Variants in SPON2 observed in about 807,000 individuals in gnomAD.
The protein encoded by SPON2 is spondin 2.
Under a neutral mutation model 29.9 loss-of-function variants are expected in SPON2, and 32 were observed. That is an observed-to-expected ratio of 1.07 (90% CI 0.81 to 1.44). The LOEUF is 1.44. Among genes scored for constraint, SPON2 ranks in the 40% most tolerant of loss-of-function variants. SPON2 has a pLI of 0.00. For synonymous variants in SPON2, 248 were observed against 209.1 expected (o/e 1.19, Z -1.61); for missense variants, 541 against 455.5 (o/e 1.19, Z -1.71).
At position 1,202,443 on chromosome 4, in the gene SPON2, C is replaced by G. The variant is rs1728235330; in HGVS notation, c.-234+5437G>C. Among the ~76,000 whole-genome samples, 1 of 152,216 alleles carries G rather than the reference C, an allele frequency of 6.6e-6. No individual in the cohort carries two copies. Among genetic ancestry groups the G allele is most frequent in the African/African-American group, 2.4e-5 (1 of 41,456 alleles). ...GCCCAGTACTCACCGCTCTCACATA[C>G]AAAATCATATGAGTCAGCATTCTCT... On this transcript the variant is annotated intron_variant, in intron 1 of 3. Coordinates refer to the SPON2 transcript ENST00000509233. The surrounding 1 kb of genome is among the most constrained non-coding windows in gnomAD (Gnocchi z 5.4).
upstream of SPON2, among the ~76,000 whole-genome samples, chr4:1,198,856 G>GA (rs1248867227): frequency 2.0e-5 from 3 of 152,050 alleles, no homozygotes; most frequent in African/African-American, 4.8e-5. Flanking sequence ...TAGTAAAATA[G>GA]AAAAAAGTGC....
intron 1 of SPON2, among the ~76,000 whole-genome samples, chr4:1,181,050 A>G (rs1470514933): frequency 6.6e-6 from 1 of 152,218 alleles, no homozygotes. Context: ...AATTCCAAGT[A>G]GGGAACATGC....
chr4:1,177,034 A>G (rs1330982223), upstream of SPON2, among the ~76,000 whole-genome samples: 1 of 152,226 alleles, frequency 6.6e-6, no homozygotes, highest in Admixed American at 6.5e-5. Context: ...CTTATTCAGT[A>G]AAGTGTTTAG....
rs115559830 is a variant in SPON2 at position 1,203,270 on chromosome 4, C to A, written c.-234+4610G>T. Among the ~76,000 whole-genome samples the A allele has an allele frequency of 3.4e-3, 519 of 152,328 alleles. 3 individuals are homozygous for A. The highest frequency in any genetic ancestry group is 0.02 in the South Asian group (96 of 4,828). ...CCATTTTCCCCCAGCTGTGCCCTCG[C>A]CCCCAGCCCCGGGCAGCTGGGAGTC... On this transcript the variant is annotated intron_variant, in intron 1 of 3. Coordinates refer to the SPON2 transcript ENST00000509233.
chr4:1,184,223 T>G (rs1727750965), intron 1 of SPON2, among the ~76,000 whole-genome samples: 1 of 152,066 alleles, frequency 6.6e-6, no homozygotes, highest in Non-Finnish European at 1.5e-5. Context: ...CCCACCTCAG[T>G]CTCCCAAAGT....
In SPON2 at chr4:1,167,441, G is replaced by A; in HGVS notation, c.*31C>T. 6.3e-7 allele frequency: 1 copy of A among 1,592,278 alleles called. No individual in the cohort carries two copies. Among genetic ancestry groups the A allele is most frequent in the Non-Finnish European group, 8.6e-7 (1 of 1,167,044 alleles). ...GGAGCCCCCGACACCCCATGGCTCC[G>A]GGGGGCCCCAGGGGCTGCGGGGCTC... On this transcript the variant is annotated 3_prime_UTR_variant, in exon 6 of 6. Transcript: ENST00000290902.
chr4:1,168,885 G>A (rs980046061), intron 5 of SPON2, among the ~76,000 whole-genome samples: 5 of 152,198 alleles, frequency 3.3e-5, no homozygotes, highest in African/African-American at 1.2e-4. Context: ...AGCCTCCTGG[G>A]TGCCAGCCGC....
chr4:1,170,961 G>C (rs75384111), intron 4 of SPON2, 38 bp downstream of exon 4: 3 of 1,545,140 alleles, frequency 1.9e-6, no homozygotes, highest in Non-Finnish European at 8.7e-7. Flanking sequence ...CACCGCGGGG[G>C]CCATAGCGGC....
intron 4 of SPON2, 115 bp from the exon 5 acceptor site, chr4:1,170,691 G>A: frequency 7.9e-7 from 1 of 1,271,156 alleles, no homozygotes; most frequent in Non-Finnish European, 1.1e-6. Flanking sequence ...CACCACTGTT[G>A]GGGACAGGGT....
Position 1,178,498 on chromosome 4 carries a change from G to A in SPON2, c.-145+950C>T, listed in dbSNP as rs571846893. Reference sequence around the variant, plus strand: ...CCTCTGTCCCTCCTCTTCAGCACCCGCTGACTTCCTCCCTGGCCAAGACAC... The same window carrying A: ...CCTCTGTCCCTCCTCTTCAGCACCCACTGACTTCCTCCCTGGCCAAGACAC... On this transcript the variant is annotated intron_variant, in intron 2 of 3. Transcript: ENST00000502483. Among the ~76,000 whole-genome samples, 226 of 151,578 alleles carry A rather than the reference G, an allele frequency of 1.5e-3. 1 individual carries two copies. Among genetic ancestry groups the A allele is most frequent in the African/African-American group, 4.8e-3 (198 of 41,258 alleles).
rs770971415 is a variant in SPON2, at chr4:1,170,568, G to C, written c.645C>G (p.Ser215=). ...AGTTGGCCGGGTGGCTGGGAGAGGA[G>C]GACGTTATCTGGGGAGGAAGAAGAG... ...IPQDTVTEIT[S]SSPSHPANSF... is the part of the protein sequence containing the mutation. The change falls in exon 5 of 6, where the codon TCC becomes TCG. Residue 215 remains serine (S), a synonymous_variant. Coordinates refer to ENST00000290902, the MANE Select transcript of SPON2 (RefSeq NM_012445.4). 3 of 1,610,594 alleles carry C rather than the reference G, an allele frequency of 1.9e-6. No individual in the cohort carries two copies. The highest frequency in any genetic ancestry group is 2.5e-6 in the Non-Finnish European group (3 of 1,179,124).
chr4:1,168,081 C>T (rs1364076547), intron 5 of SPON2: 5 of 175,072 alleles, frequency 2.9e-5, no homozygotes, highest in Admixed American at 2.5e-4. Flanking sequence ...CTTGCGGGAC[C>T]TGGACCCCCC....
At chr4:1,186,069 C>G (rs560567440) in intron 1 of SPON2, among the ~76,000 whole-genome samples, 1 of 142,788 alleles carries the variant, frequency 7.0e-6, no homozygotes, top group Non-Finnish European at 1.6e-5. Flanking sequence ...ACGGTGAAAC[C>G]CCATCTCTAC....
At chr4:1,194,342 C>T (rs2108671178) in intron 1 of SPON2, among the ~76,000 whole-genome samples, 1 of 152,324 alleles carries the variant, frequency 6.6e-6, no homozygotes, top group East Asian at 1.9e-4. Context: ...AGAGGGACCA[C>T]TTCAGAGGCG....
At chr4:1,189,184 C>T (rs1215972501) in intron 1 of SPON2, among the ~76,000 whole-genome samples, 1 of 151,858 alleles carries the variant, frequency 6.6e-6, no homozygotes, top group Admixed American at 6.6e-5. Context: ...CTAAACAGTG[C>T]TTACAGGGAA....
intron 1 of SPON2, chr4:1,200,941 C>T (rs531043137): frequency 3.5e-5 from 16 of 456,746 alleles, no homozygotes; most frequent in African/African-American, 2.0e-4. Context: ...CCGTGCCCTC[C>T]TGGCTCTGTT....
rs1727294567 is a variant in SPON2, at chr4:1,167,780, T to TG, written c.812-125dup. On this transcript the variant is annotated intron_variant, in intron 5 of 5. Coordinates refer to ENST00000290902, the MANE Select transcript of SPON2 (RefSeq NM_012445.4). ...GCCACGCCCACCCTTCGGGGGCACT[T>TG]GCGTTTCTCCGCACAGTCGCAGAGT... 6 of 1,063,312 alleles carry TG rather than the reference T, an allele frequency of 5.6e-6. No individual in the cohort carries two copies. The Admixed American group carries it at 8.4e-5, about 15-fold the overall frequency. 65.9% of individuals were successfully genotyped at this position (1,063,312 alleles called of 1,614,324 possible).
At chr4:1,193,495 C>T (rs1727957050) in intron 1 of SPON2, among the ~76,000 whole-genome samples, 1 of 150,036 alleles carries the variant, frequency 6.7e-6, no homozygotes, top group South Asian at 2.1e-4. Flanking sequence ...GTCCTTTCTC[C>T]AGGAGGGAAG....
chr4:1,169,523 C>T (rs1318410586), intron 5 of SPON2, among the ~76,000 whole-genome samples: 1 of 152,146 alleles, frequency 6.6e-6, no homozygotes, highest in Non-Finnish European at 1.5e-5. Context: ...CTTCCAGGGA[C>T]GGCTGACAGT....
Sources: allele counts gnomAD v4.1 joint callset (sites outside exome capture counted in the v4.1 genomes callset), GRCh38; gene constraint gnomAD v4.1.1; non-coding constraint Gnocchi (gnomAD v3.1); transcripts MANE v1.5; gene names NCBI Gene and HGNC (gene_info 2026-07-23, HGNC 2026-07-21).